The following DHX32 variants were observed in gnomAD, a reference collection of about 807,000 sequenced individuals.
DHX32 encodes the protein DEAH-box helicase 32 (putative), also known as putative pre-mRNA-splicing factor ATP-dependent RNA helicase DHX32.
Under a neutral mutation model 70.0 loss-of-function variants are expected in DHX32, and 51 were observed. The observed-to-expected ratio is 0.73, with a 90% confidence interval of 0.58 to 0.92. The LOEUF (loss-of-function observed/expected upper bound fraction) is 0.92. Ranked by LOEUF, DHX32 falls within the 40% of genes least tolerant of loss-of-function variation. The pLI is 0.00. For missense variants in DHX32, 762 were observed against 891.8 expected (o/e 0.85, Z 1.85); for synonymous variants, 310 against 315.3 (o/e 0.98, Z 0.18).
At chr10:125,891,006 T>C (rs1174744068) in intron 1 of DHX32, among the ~76,000 whole-genome samples, 1 of 152,188 alleles carries the variant, frequency 6.6e-6, no homozygotes, top group Non-Finnish European at 1.5e-5. Flanking sequence ...AATCAATGTT[T>C]ATGTATAGTA....
Position 125,880,707 on chromosome 10 carries a change from G to C in DHX32, c.118C>G (p.Leu40Val). Residue 40 changes from leucine (L) to valine (V), a missense_variant, in exon 1 of 11, where the codon CTT becomes GTT. By Grantham distance (32) the Leu-to-Val change is conservative (BLOSUM62 1). Coordinates refer to ENST00000284690, the MANE Select transcript of DHX32 (RefSeq NM_018180.3). ...TATGGCAATCCATCAAAGGGGTTAA[G>C]TTCCAAATCCTCACAGGCCAAAACC... Reference protein sequence around the residue: ...EEVLACEDLELNPFDGLPYSS... With the variant: ...EEVLACEDLEVNPFDGLPYSS... The C allele has an allele frequency of 6.2e-7, 1 of 1,614,196 alleles. No homozygotes were observed. Among genetic ancestry groups the C allele is most frequent in the Non-Finnish European group, 8.5e-7 (1 of 1,180,042 alleles).
At position 125,881,067 on chromosome 10, in the gene DHX32, C is replaced by A. The variant is rs73381280; in HGVS notation, c.-243G>T. The A allele has an allele frequency of 2.2e-3, 891 of 399,622 alleles. 7 individuals are homozygous for A. The highest frequency in any genetic ancestry group is 0.016 in the African/African-American group (772 of 48,942). 24.8% of individuals were successfully genotyped at this position (399,622 alleles called of 1,614,324 possible). Reference sequence around the variant, plus strand: ...GGCATTGTAAATGATTGTCAATAAACCACACTAAGAAACAAACAAACAAAA... The same window carrying A: ...GGCATTGTAAATGATTGTCAATAAAACACACTAAGAAACAAACAAACAAAA... On this transcript the variant is annotated 5_prime_UTR_variant, in exon 1 of 11. Coordinates refer to ENST00000284690, the MANE Select transcript of DHX32 (RefSeq NM_018180.3).
intron 6 of DHX32, among the ~76,000 whole-genome samples, chr10:125,851,825 G>C (rs570087878): frequency 6.6e-6 from 1 of 151,472 alleles, no homozygotes; most frequent in South Asian, 2.1e-4. Flanking sequence ...GGAAGCTGTG[G>C]TGGGAGGATC....
intron 6 of DHX32, chr10:125,842,341 C>T (rs757119035): frequency 3.3e-5 from 6 of 181,288 alleles, no homozygotes; most frequent in Non-Finnish European, 5.6e-5. Context: ...GGCAGCACAG[C>T]CCTACTGATC....
chr10:125,836,505 T>C lies in DHX32; in HGVS notation c.*182A>G, dbSNP rs1854690198. On this transcript the variant is annotated 3_prime_UTR_variant, in exon 11 of 11. Transcript: ENST00000284690. ...CAAGAAGAAGAAAAGCATGGAGTAGTAATTTAAAGAACTCAATAAAAACTT... is the reference window on the plus strand; with the variant it reads ...CAAGAAGAAGAAAAGCATGGAGTAGCAATTTAAAGAACTCAATAAAAACTT... 2.2e-5 allele frequency: 30 copies of C among 1,358,724 alleles called. No individual in the cohort carries two copies. Among genetic ancestry groups the C allele is most frequent in the Admixed American group, 3.2e-5 (1 of 30,968 alleles). 84.2% of individuals were successfully genotyped at this position (1,358,724 alleles called of 1,614,324 possible).
At chr10:125,853,288 A>G in intron 4 of DHX32, 1 of 1,192,222 alleles carries the variant, frequency 8.4e-7, no homozygotes, top group Non-Finnish European at 1.2e-6. Flanking sequence ...TGGAGGGATA[A>G]AACATCTCGG....
chr10:125,858,732 G>A (rs1944163652), intron 3 of DHX32, among the ~76,000 whole-genome samples: 2 of 152,052 alleles, frequency 1.3e-5, no homozygotes, highest in Non-Finnish European at 2.9e-5. Flanking sequence ...ATGGGTCATG[G>A]TCTAAAAACT....
chr10:125,852,760 T>G, intron 4 of DHX32, 118 bp from the exon 5 acceptor site: 1 of 869,652 alleles, frequency 1.1e-6, no homozygotes, highest in African/African-American at 1.7e-5. Flanking sequence ...TGCCACAGAC[T>G]CATTTTCTTT....
chr10:125,847,232 AAGGG>A (rs987617086), intron 6 of DHX32, among the ~76,000 whole-genome samples: 1 of 151,488 alleles, frequency 6.6e-6, no homozygotes, highest in Non-Finnish European at 1.5e-5. Context: ...CATACCATGG[AAGGG>A]AGGGAGGGAG....
At chr10:125,875,698 C>G (rs1944280016) in intron 1 of DHX32, among the ~76,000 whole-genome samples, 1 of 152,208 alleles carries the variant, frequency 6.6e-6, no homozygotes, top group African/African-American at 2.4e-5. Context: ...GAATGTGAAA[C>G]TGCCTTTGCA....
intron 1 of DHX32, among the ~76,000 whole-genome samples, chr10:125,877,885 T>C: frequency 6.6e-6 from 1 of 152,312 alleles, no homozygotes; most frequent in East Asian, 1.9e-4. Flanking sequence ...CTAATTCTAT[T>C]CTATTAGAGC....
At chr10:125,842,111 C>T (rs1564823103) in intron 6 of DHX32, 177 bp from the exon 7 acceptor site, 1 of 817,332 alleles carries the variant, frequency 1.2e-6, no homozygotes, top group Non-Finnish European at 1.8e-6. Context: ...AGAGGGCAAA[C>T]TCAGGAGGGG....
Position 125,841,942 on chromosome 10 carries a change from A to AG in DHX32, c.1352-9dup. ...GCATCAAACTTTCTGGTGCTAGGAA[A>AG]GGAAAAAAATAATAATTTAAGAGTC... On this transcript the variant is annotated splice_polypyrimidine_tract_variant and intron_variant, in intron 6 of 10. Coordinates refer to ENST00000284690, the MANE Select transcript of DHX32 (RefSeq NM_018180.3). The AG allele has an allele frequency of 6.3e-7, 1 of 1,578,458 alleles. No homozygotes were observed. Among genetic ancestry groups the AG allele is most frequent in the South Asian group, 1.2e-5 (1 of 83,280 alleles).
intron 1 of DHX32, 141 bp from the exon 2 acceptor site, chr10:125,867,324 G>C: frequency 1.5e-6 from 1 of 671,316 alleles, no homozygotes; most frequent in Non-Finnish European, 2.5e-6. Context: ...ATCTTACTTA[G>C]TGAAACTCTG....
intron 3 of DHX32, among the ~76,000 whole-genome samples, chr10:125,856,178 C>T (rs562854453): frequency 1.4e-4 from 22 of 152,248 alleles, no homozygotes; most frequent in Middle Eastern, 3.4e-3. Flanking sequence ...TATTTACATA[C>T]GCATAACTTT....
At position 125,836,582 on chromosome 10, in the gene DHX32, C is replaced by T. The variant is rs1034481427; in HGVS notation, c.*105G>A. ...ACAGTGTTATTTTCTTCAAGACCGT[C>T]CTGTGGATGTGAAATCCGTCTTCGC... On this transcript the variant is annotated 3_prime_UTR_variant, in exon 11 of 11. Transcript: ENST00000284690. The T allele has an allele frequency of 2.8e-6, 4 of 1,434,794 alleles. No homozygotes were observed. The highest frequency in any genetic ancestry group is 2.9e-5 in the South Asian group (2 of 69,058). 88.9% of individuals were successfully genotyped at this position (1,434,794 alleles called of 1,614,324 possible).
intron 6 of DHX32, 169 bp from the exon 7 acceptor site, chr10:125,842,103 A>C: frequency 1.1e-6 from 1 of 897,954 alleles, no homozygotes; most frequent in Non-Finnish European, 1.6e-6. Flanking sequence ...GATTCTTGAG[A>C]GGGCAAACTC....
At chr10:125,885,923 T>C (rs545185692), upstream of DHX32, among the ~76,000 whole-genome samples, 74 of 152,334 alleles carry the variant, frequency 4.9e-4, 1 homozygote, top group East Asian at 1.5e-3. Flanking sequence ...AGTCATCCTA[T>C]TAAAGTCAGC....
intron 10 of DHX32, among the ~76,000 whole-genome samples, chr10:125,837,760 A>G (rs1589700640): frequency 1.3e-5 from 2 of 152,160 alleles, no homozygotes; most frequent in African/African-American, 4.8e-5. Context: ...AAATGCTCCA[A>G]TTGCTGTGTA....
Sources: allele counts gnomAD v4.1 joint callset (sites outside exome capture counted in the v4.1 genomes callset), GRCh38; gene constraint gnomAD v4.1.1; transcripts MANE v1.5; gene names NCBI Gene and HGNC (gene_info 2026-07-23, HGNC 2026-07-21).